CAMK2B: variants seen among roughly 807,000 people sequenced by gnomAD.
CAMK2B encodes calcium/calmodulin dependent protein kinase II beta, also known as calcium/calmodulin-dependent protein kinase type II subunit beta.
CAMK2B carries 27 observed loss-of-function variants against 93.7 expected under a neutral mutation model. That is an observed-to-expected ratio of 0.29 (90% confidence interval 0.21 to 0.40). CAMK2B has a LOEUF of 0.40. CAMK2B is among the 10% of genes least tolerant of loss of function. CAMK2B has a pLI of 1.00. For missense variants in CAMK2B, 568 were observed against 895.8 expected, an observed-to-expected ratio of 0.63 and a Z score of 4.67; for synonymous variants, 374 against 358.8, an observed-to-expected ratio of 1.04 and a Z score of -0.48.
chr7:44,262,922 A>T, intron 3 of CAMK2B, 83 bp downstream of exon 3: 1 of 1,223,926 alleles, frequency 8.2e-7, no homozygotes, highest in Non-Finnish European at 1.2e-6. Context: ...CATCTCTTTG[A>T]AAGTCTGATA....
rs190657049 is a variant in CAMK2B at position 44,300,293 on chromosome 7, C to T, written c.66-16068G>A. On this transcript the variant is annotated intron_variant, in intron 1 of 23. Transcript: ENST00000395749. ...TCAAGCATTCCTCCCACTTCAGCCT[C>T]CTAAGGTGCTGGAATTACAGGTGTA... is the stretch of plus-strand genomic sequence containing the variant. Among the ~76,000 whole-genome samples, 4 of 152,138 alleles carry T rather than the reference C, an allele frequency of 2.6e-5. No homozygotes were observed. The East Asian group carries it at 7.7e-4, about 29-fold the overall frequency.
In CAMK2B at chr7:44,240,653, C is replaced by T. The variant is rs918806706; in HGVS notation, c.946+54G>A. On this transcript the variant is annotated intron_variant, in intron 12 of 23. Transcript: ENST00000395749. ...TGGTGAGGAAGGAGGCGCTCTCCTGCGTGGGCCAGCAGGGAGGGGGCAGCG... is the reference window on the plus strand; with the variant it reads ...TGGTGAGGAAGGAGGCGCTCTCCTGTGTGGGCCAGCAGGGAGGGGGCAGCG... 1.4e-5 allele frequency: 22 copies of T among 1,596,614 alleles called. No homozygotes were observed. In the Admixed American group the frequency reaches 1.7e-4, roughly 12 times the overall value.
intron 1 of CAMK2B, among the ~76,000 whole-genome samples, chr7:44,304,287 G>A (rs549310870): frequency 3.9e-5 from 6 of 152,230 alleles, no homozygotes; most frequent in Admixed American, 1.3e-4. Flanking sequence ...CAAAATACCC[G>A]CAAACGGATG....
intron 19 of CAMK2B, 90 bp from the exon 20 acceptor site, chr7:44,226,734 G>A (rs1401184213): frequency 2.9e-6 from 3 of 1,036,928 alleles, no homozygotes; most frequent in Non-Finnish European, 2.6e-6. Flanking sequence ...GCCAGAGATT[G>A]AGGGGCACAG....
At chr7:44,325,692 C>T (rs1254184280), upstream of CAMK2B, 1 of 143,512 alleles carries the variant, frequency 7.0e-6, no homozygotes, top group Non-Finnish European at 1.5e-5. Context: ...GCCCCGCCCG[C>T]CGCCCCCTGC....
Position 44,228,840 on chromosome 7 carries a change from G to C in CAMK2B, c.1424C>G (p.Pro475Arg). ...EAEGPLSAGP[P>R]PCLSPALLGP... is the part of the protein sequence containing the mutation. The stretch of plus-strand genomic sequence containing the variant: ...TAGGAGAGCCGGAGACAGGCAGGGC[G>C]GGGGCCCCGCTGAGAGGGGGCCCTC... The change falls in exon 19 of 24, where the codon CCG (proline) becomes CGG (arginine). Residue 475 changes from proline (P) to arginine (R), a missense_variant. Pro to Arg is a moderately radical substitution (Grantham distance 103). Coordinates refer to ENST00000395749, the MANE Select transcript of CAMK2B (RefSeq NM_001220.5). 2 of 1,493,276 alleles carry C rather than the reference G, an allele frequency of 1.3e-6. No homozygotes were observed. The highest frequency in any genetic ancestry group is 1.8e-6 in the Non-Finnish European group (2 of 1,122,314). The allele number at this position is 1,493,276 out of a possible 1,614,324, so 92.5% of individuals were successfully genotyped here.
At chr7:44,247,861 C>T (rs2128989435) in intron 5 of CAMK2B, among the ~76,000 whole-genome samples, 1 of 152,272 alleles carries the variant, frequency 6.6e-6, no homozygotes, top group East Asian at 1.9e-4. Flanking sequence ...AACCCCGTCT[C>T]TACTAAAAAT....
At chr7:44,270,233 C>T (rs2096961817) in intron 2 of CAMK2B, among the ~76,000 whole-genome samples, 1 of 152,160 alleles carries the variant, frequency 6.6e-6, no homozygotes, top group Non-Finnish European at 1.5e-5. Context: ...TGCTTGTCCA[C>T]CACACAGCCC....
At chr7:44,244,850 G>A (rs767346956) in intron 6 of CAMK2B, 2 of 442,098 alleles carry the variant, frequency 4.5e-6, no homozygotes, top group Non-Finnish European at 9.1e-6. Context: ...CCCTTGACAA[G>A]GCAGCATTGG....
chr7:44,219,958 C>T (rs1197840150), intron 23 of CAMK2B, 102 bp downstream of exon 23: 17 of 822,728 alleles, frequency 2.1e-5, no homozygotes, highest in African/African-American at 4.9e-5. Flanking sequence ...CCAGGCATGG[C>T]TCTGCACAGG....
At chr7:44,287,164 G>A (rs537660528) in intron 1 of CAMK2B, among the ~76,000 whole-genome samples, 5 of 152,122 alleles carry the variant, frequency 3.3e-5, no homozygotes, top group South Asian at 4.1e-4. Flanking sequence ...TGCTCCCTGC[G>A]CCCCGCTCCT....
rs1319443489 is a variant in CAMK2B, at chr7:44,311,884, C to A, written c.65+13473G>T. Among the ~76,000 whole-genome samples, 3 of 152,216 alleles carry A rather than the reference C, an allele frequency of 2.0e-5. No individual in the cohort carries two copies. Among genetic ancestry groups the A allele is most frequent in the African/African-American group, 7.2e-5 (3 of 41,454 alleles). ...GCTGGCTCCCTGCACCGTGGACTGA[C>A]CCTCACGACGCTCCAAGAGGTGACC... is the stretch of plus-strand genomic sequence containing the variant. On this transcript the variant is annotated intron_variant, in intron 1 of 23. Coordinates refer to ENST00000395749, the MANE Select transcript of CAMK2B (RefSeq NM_001220.5). This position sits in a 1 kb window ranked among gnomAD's most constrained non-coding sequence, Gnocchi z 4.2.
chr7:44,239,540 C>G (rs1297854162), intron 13 of CAMK2B, 49 bp downstream of exon 13: 1 of 1,482,258 alleles, frequency 6.7e-7, no homozygotes, highest in Admixed American at 2.0e-5. Flanking sequence ...TGCATGCTGG[C>G]AGGAGGGACG....
chr7:44,315,576 T>G (rs1794662090), intron 1 of CAMK2B, among the ~76,000 whole-genome samples: 1 of 152,220 alleles, frequency 6.6e-6, no homozygotes, highest in Non-Finnish European at 1.5e-5. Context: ...CATTCCTATG[T>G]GAATTTTAGG....
intron 20 of CAMK2B, among the ~76,000 whole-genome samples, chr7:44,223,422 C>A (rs951144424): frequency 6.6e-6 from 1 of 152,154 alleles, no homozygotes; most frequent in African/African-American, 2.4e-5. Flanking sequence ...GCTGCAGGAT[C>A]CAGAAGCCCC....
At chr7:44,222,504 C>T (rs1034399980) in intron 20 of CAMK2B, among the ~76,000 whole-genome samples, 2 of 151,920 alleles carry the variant, frequency 1.3e-5, no homozygotes, top group East Asian at 1.9e-4. Context: ...GACATGATCT[C>T]GGCTCACTGC....
chr7:44,312,983 T>C lies in CAMK2B; in HGVS notation c.65+12374A>G, dbSNP rs1351004006. On this transcript the variant is annotated intron_variant, in intron 1 of 23. Transcript: ENST00000395749. The surrounding 1 kb of genome is among the most constrained non-coding windows in gnomAD (Gnocchi z 4.1). ...CCCAGGACAGCTGGGTCCCCAGCTC[T>C]GTCGAAGGAGGAGTACAGGCTCAGC... is the stretch of plus-strand genomic sequence containing the variant. Among the ~76,000 whole-genome samples the C allele has an allele frequency of 6.6e-6, 1 of 152,126 alleles. No homozygotes were observed. Among genetic ancestry groups the C allele is most frequent in the African/African-American group, 2.4e-5 (1 of 41,436 alleles).
At chr7:44,241,805 T>C (rs1163747322) in intron 10 of CAMK2B, 22 bp from the exon 11 acceptor site, 1 of 1,599,084 alleles carries the variant, frequency 6.3e-7, no homozygotes, top group Non-Finnish European at 8.6e-7. Flanking sequence ...TGGGTGGTCA[T>C]ATGGCAGCCG....
At chr7:44,257,559 G>A (rs2096844957) in intron 4 of CAMK2B, among the ~76,000 whole-genome samples, 1 of 152,254 alleles carries the variant, frequency 6.6e-6, no homozygotes. Context: ...AGAGGCTGGT[G>A]GAGGTGTGCT....
Sources: allele counts gnomAD v4.1 joint callset (sites outside exome capture counted in the v4.1 genomes callset), GRCh38; gene constraint gnomAD v4.1.1; non-coding constraint Gnocchi (gnomAD v3.1); transcripts MANE v1.5; gene names NCBI Gene and HGNC (gene_info 2026-07-23, HGNC 2026-07-21).